Variants in PEBP4 observed in about 807,000 individuals in gnomAD.
The protein encoded by PEBP4 is phosphatidylethanolamine-binding protein 4.
PEBP4 carries 22 observed loss-of-function variants against 23.9 expected under a neutral mutation model. The observed-to-expected ratio is 0.92, with a 90% CI of 0.66 to 1.31. PEBP4 has a LOEUF of 1.31. Among genes scored for constraint, PEBP4 ranks in the 40% most tolerant of loss-of-function variants. PEBP4 has a pLI of 0.00. For synonymous variants in PEBP4, 112 were observed against 99.3 expected (o/e 1.13, Z -0.76); for missense variants, 324 against 281.7 (o/e 1.15, Z -1.07).
intron 3 of PEBP4, among the ~76,000 whole-genome samples, chr8:22,913,985 CTTTTTTTT>C (rs1165242168): frequency 1.6e-5 from 2 of 123,118 alleles, no homozygotes; most frequent in African/African-American, 3.1e-5. Context: ...GGCCTGGCTA[CTTTTTTTT>C]TTTTTTTTTT....
At chr8:22,746,401 G>A (rs1489080291) in intron 4 of PEBP4, among the ~76,000 whole-genome samples, 1 of 152,156 alleles carries the variant, frequency 6.6e-6, no homozygotes, top group African/African-American at 2.4e-5. Context: ...GTGATTCTGG[G>A]CTCTGGTCCT....
chr8:22,876,925 C>G (rs1164588785), intron 3 of PEBP4, among the ~76,000 whole-genome samples: 1 of 152,120 alleles, frequency 6.6e-6, no homozygotes, highest in East Asian at 1.9e-4. Context: ...GGCCTTGGAC[C>G]CTTATCTTTA....
upstream of PEBP4, among the ~76,000 whole-genome samples, chr8:22,930,682 T>C (rs775814227): frequency 4.6e-5 from 7 of 152,232 alleles, no homozygotes; most frequent in Non-Finnish European, 1.0e-4. Context: ...CTTCTCTGGC[T>C]TGTTTTTGTG....
intron 3 of PEBP4, among the ~76,000 whole-genome samples, chr8:22,825,489 G>A (rs1382244976): frequency 6.6e-6 from 1 of 152,190 alleles, no homozygotes; most frequent in Non-Finnish European, 1.5e-5. Context: ...ACTTCTGTAG[G>A]GGTATAGACC....
chr8:22,827,914 T>C (rs947691821), intron 3 of PEBP4, among the ~76,000 whole-genome samples: 5 of 152,244 alleles, frequency 3.3e-5, no homozygotes, highest in African/African-American at 9.6e-5. Context: ...ATTGTGGCCA[T>C]GCTAGTGGGT....
intron 3 of PEBP4, among the ~76,000 whole-genome samples, chr8:22,821,976 C>T (rs1324606846): frequency 1.0e-5 from 1 of 97,066 alleles, no homozygotes; most frequent in Non-Finnish European, 2.2e-5. Flanking sequence ...CAGAGCAAGA[C>T]CTCGTCTCAA....
chr8:22,884,759 T>G (rs1808340253), intron 3 of PEBP4: 1 of 152,294 alleles, frequency 6.6e-6, no homozygotes, highest in Non-Finnish European at 1.5e-5. Flanking sequence ...CCTCTCTCTC[T>G]TCTCCCAATG....
intron 4 of PEBP4, chr8:22,747,587 TGGGTGTGCAC>T (rs1296279738): frequency 3.0e-5 from 2 of 65,844 alleles, no homozygotes; most frequent in African/African-American, 1.2e-4. Flanking sequence ...GGGGTGTGCA[TGGGTGTGCAC>T]GCTCAGGGGG....
At chr8:22,767,840 A>G (rs756753682) in intron 4 of PEBP4, among the ~76,000 whole-genome samples, 3 of 151,966 alleles carry the variant, frequency 2.0e-5, no homozygotes, top group Admixed American at 1.3e-4. Context: ...CCCAGTTTCA[A>G]GTGATTCTCC....
chr8:22,930,648 A>C (rs1289896043), upstream of PEBP4, among the ~76,000 whole-genome samples: 1 of 152,148 alleles, frequency 6.6e-6, no homozygotes, highest in African/African-American at 2.4e-5. Context: ...TTAGCCCTGG[A>C]TGCCTTTTGC....
Position 22,836,974 on chromosome 8 carries a change from G to T in PEBP4, c.259-19239C>A, listed in dbSNP as rs1017056495. ...TCAGACAAATATCTCTATCTCCCAAGCTACATTCATATCCACCATCCTAAC... is the reference window on the plus strand; with the variant it reads ...TCAGACAAATATCTCTATCTCCCAATCTACATTCATATCCACCATCCTAAC... On this transcript the variant is annotated intron_variant, in intron 3 of 6. Transcript: ENST00000256404. Among the ~76,000 whole-genome samples, 3 of 152,032 alleles carry T rather than the reference G, an allele frequency of 2.0e-5. No homozygotes were observed. The South Asian group carries it at 6.2e-4, about 32-fold the overall frequency.
At chr8:22,794,118 A>C (rs1351369446) in intron 4 of PEBP4, among the ~76,000 whole-genome samples, 1 of 152,028 alleles carries the variant, frequency 6.6e-6, no homozygotes, top group Non-Finnish European at 1.5e-5. Flanking sequence ...ATTTCTTTTG[A>C]AAAAATTTCC....
chr8:22,783,914 C>T (rs1414793499), intron 4 of PEBP4, among the ~76,000 whole-genome samples: 1 of 152,224 alleles, frequency 6.6e-6, no homozygotes, highest in African/African-American at 2.4e-5. Context: ...GAGTGGGCCA[C>T]CACGCTGGTC....
At chr8:22,763,631 G>C (rs1395711281) in intron 4 of PEBP4, among the ~76,000 whole-genome samples, 2 of 152,146 alleles carry the variant, frequency 1.3e-5, no homozygotes, top group Admixed American at 6.5e-5. Context: ...TGAGGATGAG[G>C]CTAGGTAATA....
At chr8:22,797,235 A>C (rs2128757977) in intron 4 of PEBP4, among the ~76,000 whole-genome samples, 1 of 148,906 alleles carries the variant, frequency 6.7e-6, no homozygotes, top group East Asian at 2.0e-4. Context: ...CCTGGGCAAC[A>C]AGAGTGAAAC....
chr8:22,898,227 A>G (rs890769186), intron 3 of PEBP4, among the ~76,000 whole-genome samples: 3 of 151,880 alleles, frequency 2.0e-5, no homozygotes, highest in African/African-American at 7.3e-5. Flanking sequence ...CCCTGTCTCA[A>G]CCAAAAATAC....
chr8:22,770,571 C>T (rs1044310251), intron 4 of PEBP4, among the ~76,000 whole-genome samples: 3 of 152,198 alleles, frequency 2.0e-5, no homozygotes, highest in Non-Finnish European at 4.4e-5. Context: ...AGAGGGCCTG[C>T]GCTGGCCAGA....
At chr8:22,823,234 G>A (rs1184591630) in intron 3 of PEBP4, among the ~76,000 whole-genome samples, 2 of 151,792 alleles carry the variant, frequency 1.3e-5, no homozygotes, top group African/African-American at 4.8e-5. Flanking sequence ...TCAGATCAGT[G>A]GGGAAAAAAT....
chr8:22,902,501 A>G (rs892585652), intron 3 of PEBP4, among the ~76,000 whole-genome samples: 6 of 152,068 alleles, frequency 3.9e-5, no homozygotes, highest in African/African-American at 7.3e-5. Context: ...TGAGGATATG[A>G]CAAGCCCCAT....
Sources: gnomAD v4.1 joint callset for allele counts (sites outside exome capture counted in the v4.1 genomes callset) on GRCh38, gnomAD v4.1.1 for gene constraint, MANE v1.5 for transcripts, NCBI Gene and HGNC (gene_info 2026-07-23, HGNC 2026-07-21) for gene names.